The following CACNA2D2 variants were observed in gnomAD, a reference collection of about 807,000 sequenced individuals.
CACNA2D2 encodes the protein voltage-dependent calcium channel subunit alpha-2/delta-2.
In CACNA2D2, 48 loss-of-function variants were observed where a neutral mutation model predicts 166.4. That is an observed-to-expected ratio of 0.29 (90% CI 0.23 to 0.37). The LOEUF (loss-of-function observed/expected upper bound fraction) is 0.37, where lower values mean the gene tolerates loss of function less well. Ranked by LOEUF, CACNA2D2 falls within the 10% of genes least tolerant of loss-of-function variation. The pLI is 1.00. For synonymous variants in CACNA2D2, 561 were observed against 573.7 expected (o/e 0.98, Z 0.32); for missense variants, 1,122 against 1,433.0 (o/e 0.78, Z 3.50).
At chr3:50,472,759 C>G (rs1436537151) in intron 2 of CACNA2D2, among the ~76,000 whole-genome samples, 1 of 152,164 alleles carries the variant, frequency 6.6e-6, no homozygotes, top group Non-Finnish European at 1.5e-5. Flanking sequence ...AGCTCCACAT[C>G]CTCCCCACCC....
intron 3 of CACNA2D2, among the ~76,000 whole-genome samples, chr3:50,398,314 C>G (rs1048967806): frequency 6.6e-6 from 1 of 152,112 alleles, no homozygotes; most frequent in African/African-American, 2.4e-5. Context: ...CCTGCACATG[C>G]TGCTCCCTCC....
chr3:50,374,893 G>A lies in CACNA2D2; in HGVS notation c.1908-80C>T, dbSNP rs141683679. 4.4e-3 allele frequency: 5,129 copies of A among 1,156,596 alleles called. 23 individuals are homozygous for A. Among genetic ancestry groups the A allele is most frequent in the Non-Finnish European group, 5.9e-3 (4,629 of 790,522 alleles). 71.6% of individuals were successfully genotyped at this position (1,156,596 alleles called of 1,614,324 possible). A position where few individuals can be genotyped will look rare whatever the true frequency, so the allele number is the denominator to read the frequency against. On this transcript the variant is annotated intron_variant, in intron 21 of 37. Transcript: ENST00000424201. ...CCCCTCCCCATGGCCTTGGAGCTGG[G>A]CAGAGGCCCCAGCTGCAGCATCCCC...
intron 6 of CACNA2D2, among the ~76,000 whole-genome samples, chr3:50,383,468 C>T (rs1705434860): frequency 6.6e-6 from 1 of 152,194 alleles, no homozygotes; most frequent in South Asian, 2.1e-4. Context: ...TGCTGGAGCT[C>T]CCCATCCAGT....
chr3:50,473,554 G>A (rs1199104337), intron 2 of CACNA2D2, among the ~76,000 whole-genome samples: 1 of 152,224 alleles, frequency 6.6e-6, no homozygotes, highest in East Asian at 1.9e-4. Flanking sequence ...GCTGGTGCCA[G>A]GGTCTGCAGC....
chr3:50,440,045 T>C (rs1452908609), intron 2 of CACNA2D2, among the ~76,000 whole-genome samples: 1 of 152,238 alleles, frequency 6.6e-6, no homozygotes, highest in Admixed American at 6.5e-5. Flanking sequence ...GGGGACCCTC[T>C]ACCACTGACA....
intron 2 of CACNA2D2, among the ~76,000 whole-genome samples, chr3:50,469,686 G>C (rs55892059): frequency 1.3e-5 from 2 of 152,104 alleles, no homozygotes; most frequent in African/African-American, 2.4e-5. Context: ...GGCTCAGAGA[G>C]GCAGGACAAC....
Position 50,380,121 on chromosome 3 carries a change from ACT to A in CACNA2D2, c.843-105_843-104del. On this transcript the variant is annotated intron_variant, in intron 8 of 37. Transcript: ENST00000424201. This position sits in a 1 kb window ranked among gnomAD's most constrained non-coding sequence, Gnocchi z 4.9. ...TTCAATACATTTCTCTTGAGCATGC[ACT>A]GTGTGGGCCAGGCAGGGTTCTATGC... 2.5e-6 allele frequency: 3 copies of A among 1,188,000 alleles called. No homozygotes were observed. The Admixed American group carries it at 5.6e-5, about 22-fold the overall frequency. The allele number at this position is 1,188,000 out of a possible 1,614,324, so 73.6% of individuals were successfully genotyped here.
At chr3:50,457,203 T>C (rs1048469546) in intron 2 of CACNA2D2, among the ~76,000 whole-genome samples, 5 of 152,062 alleles carry the variant, frequency 3.3e-5, no homozygotes, top group African/African-American at 9.7e-5. Flanking sequence ...TGAGCCGAAA[T>C]TGCACCACTG....
chr3:50,384,091 T>A (rs1705462497), intron 6 of CACNA2D2, 105 bp downstream of exon 6: 1 of 1,391,868 alleles, frequency 7.2e-7, no homozygotes, highest in Non-Finnish European at 1.0e-6. Context: ...AGGCTGGAGG[T>A]AGATGGCACT....
intron 2 of CACNA2D2, among the ~76,000 whole-genome samples, chr3:50,453,709 A>C (rs1274063857): frequency 6.6e-6 from 1 of 152,186 alleles, no homozygotes; most frequent in Non-Finnish European, 1.5e-5. Context: ...GCAAAGGAAG[A>C]GAGAGGGGCA....
At chr3:50,409,909 G>A (rs894494008) in intron 3 of CACNA2D2, among the ~76,000 whole-genome samples, 2 of 152,198 alleles carry the variant, frequency 1.3e-5, no homozygotes, top group African/African-American at 4.8e-5. Flanking sequence ...TTCCCTCCAC[G>A]ATCTCAGGGC....
chr3:50,405,549 C>T (rs563307205), intron 3 of CACNA2D2, among the ~76,000 whole-genome samples: 30 of 152,276 alleles, frequency 2.0e-4, no homozygotes, highest in African/African-American at 7.0e-4. Flanking sequence ...AGGAATGATC[C>T]CAGGCATAAC....
Position 50,380,674 on chromosome 3 carries a change from G to C in CACNA2D2, c.842+74C>G, listed in dbSNP as rs937386793. ...GCCCTGCTAGGAGGCTTGGAAATGG[G>C]GAGGGAGGGGAGCAGGCAGGAAAGG... On this transcript the variant is annotated intron_variant, in intron 8 of 37. Transcript: ENST00000424201. The surrounding 1 kb of genome is among the most constrained non-coding windows in gnomAD (Gnocchi z 4.9). The C allele has an allele frequency of 1.5e-5, 18 of 1,212,770 alleles. No individual in the cohort carries two copies. The highest frequency in any genetic ancestry group is 2.0e-5 in the Non-Finnish European group (18 of 887,790). The allele number at this position is 1,212,770 out of a possible 1,614,324, so 75.1% of individuals were successfully genotyped here.
chr3:50,424,908 C>T (rs1407076924), intron 3 of CACNA2D2, among the ~76,000 whole-genome samples: 2 of 151,426 alleles, frequency 1.3e-5, no homozygotes, highest in Non-Finnish European at 2.9e-5. Flanking sequence ...TCCCGAGGGC[C>T]TTCTTGCCAC....
Position 50,428,105 on chromosome 3 carries a change from T to TG in CACNA2D2, c.405+6207_405+6208insC, listed in dbSNP as rs530417227. ...CTCTGTCCCGTTAGGCCAGTGGTTC[T>TG]CAACTGGGGCAACTTTGCCCCCAGG... On this transcript the variant is annotated intron_variant, in intron 3 of 37. Transcript: ENST00000424201. 4.6e-5 allele frequency among the ~76,000 whole-genome samples: 7 copies of TG among 152,180 alleles called. No individual in the cohort carries two copies. In the South Asian group the frequency reaches 1.4e-3, roughly 32 times the overall value.
Position 50,370,349 on chromosome 3 carries a change from C to G in CACNA2D2, c.2016G>C (p.Glu672Asp). 3.1e-6 allele frequency: 5 copies of G among 1,588,716 alleles called. No individual in the cohort carries two copies. Among genetic ancestry groups the G allele is most frequent in the Non-Finnish European group, 4.3e-6 (5 of 1,168,608 alleles). Residue 672 changes from glutamate to aspartate, a missense_variant, in exon 23 of 38, where the codon GAG (glutamate) becomes GAC (aspartate). This residue lies in a region of CACNA2D2 where 840 missense variants were observed against 1,166.8 expected (regional missense o/e 0.72). Coordinates refer to ENST00000424201, the MANE Select transcript of CACNA2D2 (RefSeq NM_006030.4). ...GAGCAATGAAAACGTGTCCTTCAGA[C>G]TCAAAGCTGCTGGGGAGCAGGAACT... The part of the protein sequence containing the change: ...YFEFLLPSSF[E>D]SEGHVFIAPR...
intron 4 of CACNA2D2, among the ~76,000 whole-genome samples, chr3:50,391,788 G>A (rs545963372): frequency 1.3e-5 from 2 of 152,316 alleles, no homozygotes; most frequent in African/African-American, 4.8e-5. Context: ...GGCCACACCC[G>A]GCTGATGGTG....
intron 2 of CACNA2D2, 44 bp from the exon 3 acceptor site, chr3:50,434,473 G>A (rs753079242): frequency 2.1e-6 from 3 of 1,402,214 alleles, no homozygotes; most frequent in Admixed American, 1.7e-5. Flanking sequence ...GTGGTCCCAC[G>A]TCCTCATGCC....
chr3:50,364,579 C>T lies in CACNA2D2; in HGVS notation c.*87G>A. 7.1e-7 allele frequency: 1 copy of T among 1,400,534 alleles called. No homozygotes were observed. Among genetic ancestry groups the T allele is most frequent in the Non-Finnish European group, 9.4e-7 (1 of 1,064,272 alleles). 86.8% of individuals were successfully genotyped at this position (1,400,534 alleles called of 1,614,324 possible). ...GTCCTTCAGTGAGGGAGGGACGAGGCTCTAAGGCGGGGAGTGTGGGGCAGG... is the reference window on the plus strand; with the variant it reads ...GTCCTTCAGTGAGGGAGGGACGAGGTTCTAAGGCGGGGAGTGTGGGGCAGG... On this transcript the variant is annotated 3_prime_UTR_variant, in exon 38 of 38. Transcript: ENST00000424201.
Sources: allele counts gnomAD v4.1 joint callset (sites outside exome capture counted in the v4.1 genomes callset), GRCh38; gene constraint gnomAD v4.1.1; regional missense constraint gnomAD v4.1.1; non-coding constraint Gnocchi (gnomAD v3.1); transcripts MANE v1.5; gene names NCBI Gene and HGNC (gene_info 2026-07-23, HGNC 2026-07-21).